MTCL1: variants seen among roughly 807,000 people sequenced by gnomAD.
The protein encoded by MTCL1 is microtubule cross-linking factor 1.
Under a neutral mutation model 141.4 loss-of-function variants are expected in MTCL1, and 79 were observed. The ratio of observed to expected loss-of-function variants is 0.56; its 90% confidence interval spans 0.47 to 0.67. The LOEUF is 0.67. Ranked by LOEUF, MTCL1 falls within the 30% of genes least tolerant of loss-of-function variation. MTCL1 has a pLI of 0.00. For missense variants in MTCL1, 2,177 were observed against 2,113.9 expected, an observed-to-expected ratio of 1.03 and a Z score of -0.59; for synonymous variants, 914 against 875.8, an observed-to-expected ratio of 1.04 and a Z score of -0.77.
At chr18:8,745,552 G>C (rs2096332028) in intron 4 of MTCL1, among the ~76,000 whole-genome samples, 1 of 151,968 alleles carries the variant, frequency 6.6e-6, no homozygotes, top group Non-Finnish European at 1.5e-5. Context: ...TTGTGTTTTG[G>C]GTTGTTCGGG....
intron 4 of MTCL1, among the ~76,000 whole-genome samples, chr18:8,739,879 A>C (rs778752532): frequency 1.7e-4 from 26 of 151,988 alleles, no homozygotes; most frequent in African/African-American, 5.8e-4. Context: ...CTAAAGGCGC[A>C]CGCCACCACA....
chr18:8,798,494 C>T (rs2076003238), intron 10 of MTCL1, among the ~76,000 whole-genome samples: 1 of 152,162 alleles, frequency 6.6e-6, no homozygotes, highest in African/African-American at 2.4e-5. Context: ...TTAATGTCAG[C>T]CCACTCTTTC....
intron 10 of MTCL1, 97 bp from the exon 10 acceptor site, chr18:8,806,796 C>T: frequency 2.1e-6 from 2 of 930,516 alleles, no homozygotes; most frequent in South Asian, 1.5e-5. Flanking sequence ...ACCTGGGAAA[C>T]AGCCCCCACA....
chr18:8,732,544 G>C (rs997228032), intron 4 of MTCL1, among the ~76,000 whole-genome samples: 1 of 152,170 alleles, frequency 6.6e-6, no homozygotes, highest in Non-Finnish European at 1.5e-5. Context: ...GTGAGCCATC[G>C]TACGTTGAAA....
chr18:8,731,014 G>C (rs1362912574), intron 4 of MTCL1, among the ~76,000 whole-genome samples: 1 of 152,190 alleles, frequency 6.6e-6, no homozygotes, highest in African/African-American at 2.4e-5. Flanking sequence ...GGGAGGCCGA[G>C]GTGGGCGGAT....
At chr18:8,808,248 G>C (rs2076368814) in intron 11 of MTCL1, among the ~76,000 whole-genome samples, 1 of 152,230 alleles carries the variant, frequency 6.6e-6, no homozygotes, top group African/African-American at 2.4e-5. Flanking sequence ...ATCAGCAGCG[G>C]AGGAGAAATG....
rs1205695630 is a variant in MTCL1, at chr18:8,786,096, G to A, written c.1887+5G>A. On this transcript the variant is annotated splice_donor_5th_base_variant and intron_variant, in intron 7 of 16. Coordinates refer to ENST00000359865, the Ensembl canonical transcript of MTCL1. ...CAGACCTGCTTCAGCCTGGAGGTCA[G>A]CGTGGGCAAGCAATCCCCCCCCCCC... 1.9e-6 allele frequency: 3 copies of A among 1,548,094 alleles called. No homozygotes were observed. Among genetic ancestry groups the A allele is most frequent in the Non-Finnish European group, 2.6e-6 (3 of 1,147,734 alleles).
chr18:8,730,752 A>C (rs2096245967), intron 4 of MTCL1, among the ~76,000 whole-genome samples: 1 of 152,144 alleles, frequency 6.6e-6, no homozygotes. Flanking sequence ...GCTACCTTGG[A>C]CGCAGCGATG....
At chr18:8,809,428 A>G (rs1409592496) in intron 11 of MTCL1, 3 of 1,531,312 alleles carry the variant, frequency 2.0e-6, no homozygotes, top group East Asian at 4.9e-5. Flanking sequence ...AATCACACAC[A>G]TCTCTCCATT....
intron 10 of MTCL1, among the ~76,000 whole-genome samples, chr18:8,799,934 T>A (rs2076058238): frequency 6.6e-6 from 1 of 152,146 alleles, no homozygotes. Context: ...CCCACGAAAG[T>A]GGAGATGGAC....
Position 8,726,502 on chromosome 18 carries a change from C to A in MTCL1, c.357+6006C>A, listed in dbSNP as rs1326816759. Among the ~76,000 whole-genome samples the A allele has an allele frequency of 2.6e-3, 226 of 86,702 alleles. 1 individual carries two copies. Among genetic ancestry groups the A allele is most frequent in the Middle Eastern group, 9.9e-3 (2 of 202 alleles). 56.9% of individuals were successfully genotyped at this position (86,702 alleles called of 152,430 possible). A position where few individuals can be genotyped will look rare whatever the true frequency, so the allele number is the denominator to read the frequency against. On this transcript the variant is annotated intron_variant, in intron 4 of 16. Transcript: ENST00000359865. ...GAGAGAGAGAGAGAGAGAGCGCGCGCGCGCGCAAGAGCGAGCGAGAGAGAG... is the reference window on the plus strand; with the variant it reads ...GAGAGAGAGAGAGAGAGAGCGCGCGAGCGCGCAAGAGCGAGCGAGAGAGAG...
exon 17 of MTCL1, chr18:8,831,733 C>A: frequency 6.4e-7 from 1 of 1,550,592 alleles, no homozygotes; most frequent in Non-Finnish European, 8.7e-7. Context: ...GCCTCAGTCA[C>A]CCGGAGACCC....
chr18:8,741,745 C>T (rs2096304585), intron 4 of MTCL1, among the ~76,000 whole-genome samples: 2 of 152,188 alleles, frequency 1.3e-5, no homozygotes, highest in Non-Finnish European at 2.9e-5. Context: ...GAGTTTATTT[C>T]TCAGTGGACT....
exon 9 of MTCL1, chr18:8,796,276 A>T: frequency 6.2e-7 from 1 of 1,614,160 alleles, no homozygotes; most frequent in Non-Finnish European, 8.5e-7. Flanking sequence ...AAGAACTGGA[A>T]ATGCACAGCC....
At chr18:8,787,828 T>C (rs1477118224) in intron 7 of MTCL1, among the ~76,000 whole-genome samples, 1 of 152,206 alleles carries the variant, frequency 6.6e-6, no homozygotes, top group Non-Finnish European at 1.5e-5. Context: ...TAATAAGGCA[T>C]GTTCTGGAGC....
rs1307039162 is a variant in MTCL1 at position 8,726,542 on chromosome 18, C to A, written c.357+6046C>A. Among the ~76,000 whole-genome samples the A allele has an allele frequency of 5.5e-3, 531 of 96,366 alleles. 4 individuals carry two copies. Among genetic ancestry groups the A allele is most frequent in the African/African-American group, 0.021 (398 of 18,798 alleles). The allele number at this position is 96,366 out of a possible 152,430, so 63.2% of individuals were successfully genotyped here. A position where few individuals can be genotyped will look rare whatever the true frequency, so the allele number is the denominator to read the frequency against. ...GCGAGAGAGAGCGAGTGCGCATGCG[C>A]GCGCGCAACAAGCAATGTTCTGGTG... is the stretch of plus-strand genomic sequence containing the variant. On this transcript the variant is annotated intron_variant, in intron 4 of 16. Transcript: ENST00000359865.
intron 4 of MTCL1, among the ~76,000 whole-genome samples, chr18:8,776,242 G>T (rs1046964671): frequency 3.3e-5 from 5 of 152,202 alleles, no homozygotes; most frequent in African/African-American, 1.2e-4. Context: ...CAGGTCTGGG[G>T]CCGGCAGAGC....
intron 1 of MTCL1, chr18:8,717,851 A>C: frequency 1.0e-6 from 1 of 978,110 alleles, no homozygotes. Context: ...GAATGGGAAA[A>C]AACAGACCCA....
At chr18:8,825,025 A>G in exon 15 of MTCL1, 3 of 1,613,110 alleles carry the variant, frequency 1.9e-6, no homozygotes, top group Non-Finnish European at 2.5e-6. Context: ...ACCAGCCCAG[A>G]GCACTGCCAG....
Sources: gnomAD v4.1 joint callset for allele counts (sites outside exome capture counted in the v4.1 genomes callset) on GRCh38, gnomAD v4.1.1 for gene constraint, MANE v1.5 for transcripts, NCBI Gene and HGNC (gene_info 2026-07-23, HGNC 2026-07-21) for gene names.